CNP: variants seen among roughly 807,000 people sequenced by gnomAD.
CNP encodes the protein 2',3'-cyclic nucleotide 3' phosphodiesterase, also known as 2',3'-cyclic-nucleotide 3'-phosphodiesterase.
CNP carries 8 observed loss-of-function variants against 37.9 expected under a neutral mutation model. The observed-to-expected ratio is 0.21, with a 90% CI of 0.12 to 0.38. The LOEUF is 0.38. CNP is among the 10% of genes least tolerant of loss of function. The probability of loss-of-function intolerance (pLI) is 1.00; values close to 1 mark genes in which losing one functional copy is unlikely to be tolerated. For synonymous variants in CNP, 237 were observed against 238.3 expected, an observed-to-expected ratio of 0.99 and a Z score of 0.05; for missense variants, 457 against 551.0, an observed-to-expected ratio of 0.83 and a Z score of 1.71.
chr17:41,966,813 C>A lies in CNP; in HGVS notation c.-72C>A. On this transcript the variant is annotated 5_prime_UTR_variant, in exon 1 of 4. Transcript: ENST00000393892. ...TCGTGCCACCGCTGGACTCCCGTGT[C>A]CCTCCGCGCAGGCGGGCGGCCCCGG... 1.4e-6 allele frequency: 2 copies of A among 1,383,382 alleles called. No homozygotes were observed. The highest frequency in any genetic ancestry group is 1.6e-5 in the South Asian group (1 of 63,824). The allele number at this position is 1,383,382 out of a possible 1,614,324, so 85.7% of individuals were successfully genotyped here.
At chr17:41,966,974 C>T in intron 1 of CNP, 87 bp downstream of exon 1, 1 of 1,248,110 alleles carries the variant, frequency 8.0e-7, no homozygotes, top group South Asian at 2.8e-5. Flanking sequence ...GTCTTGCAAA[C>T]GAGGACCCGG....
chr17:41,966,857 G>C lies in CNP; in HGVS notation c.-28G>C. ...GCCCCGGAGCGCTGGTGCCGGCAGA[G>C]GCGGCGACGGTGGCGCCCCTCCTCA... On this transcript the variant is annotated 5_prime_UTR_variant, in exon 1 of 4. Transcript: ENST00000393892. 7.3e-7 allele frequency: 1 copy of C among 1,367,122 alleles called. No homozygotes were observed. Among genetic ancestry groups the C allele is most frequent in the Non-Finnish European group, 9.4e-7 (1 of 1,061,428 alleles). The allele number at this position is 1,367,122 out of a possible 1,614,324, so 84.7% of individuals were successfully genotyped here.
In CNP at chr17:41,977,526, A is replaced by G. The variant is rs1555645180; in HGVS notation, c.*3602A>G. On this transcript the variant is annotated 3_prime_UTR_variant, in exon 4 of 4. Transcript: ENST00000393892. Reference sequence around the variant, plus strand: ...TGCTACCTGATCCCACTCCTAGGACATGTTCCCTTCTCCTTCCAACTGCTG... The same window carrying G: ...TGCTACCTGATCCCACTCCTAGGACGTGTTCCCTTCTCCTTCCAACTGCTG... The G allele has an allele frequency of 6.3e-6, 3 of 473,786 alleles. No homozygotes were observed. The highest frequency in any genetic ancestry group is 3.6e-5 in the East Asian group (1 of 27,706). 29.3% of individuals were successfully genotyped at this position (473,786 alleles called of 1,614,324 possible). A position where few individuals can be genotyped will look rare whatever the true frequency, so the allele number is the denominator to read the frequency against.
Position 41,977,076 on chromosome 17 carries a change from C to A in CNP, c.*3152C>A. 1 of 694,766 alleles carries A rather than the reference C, an allele frequency of 1.4e-6. No homozygotes were observed. Among genetic ancestry groups the A allele is most frequent in the Non-Finnish European group, 2.4e-6 (1 of 415,410 alleles). The allele number at this position is 694,766 out of a possible 1,614,324, so 43.0% of individuals were successfully genotyped here. ...GATGCGGTGGCTAAAGGTCCCAAGG[C>A]AAGGGGTGCCTGGGAACCTTCCTGT... On this transcript the variant is annotated 3_prime_UTR_variant, in exon 4 of 4. Transcript: ENST00000393892.
intron 3 of CNP, 150 bp from the exon 4 acceptor site, chr17:41,973,325 T>A (rs921122455): frequency 2.7e-5 from 20 of 750,098 alleles, no homozygotes; most frequent in Non-Finnish European, 3.8e-5. Flanking sequence ...CAGTTGTTAG[T>A]GGATGCTGGG....
At position 41,974,053 on chromosome 17, in the gene CNP, T is replaced by C. The variant is rs2051036121; in HGVS notation, c.*129T>C. The C allele has an allele frequency of 1.3e-6, 1 of 772,972 alleles. No homozygotes were observed. The highest frequency in any genetic ancestry group is 3.3e-5 in the South Asian group (1 of 30,252). The allele number at this position is 772,972 out of a possible 1,614,324, so 47.9% of individuals were successfully genotyped here. On this transcript the variant is annotated 3_prime_UTR_variant, in exon 4 of 4. Transcript: ENST00000393892. ...CAAAGTTAACCTACCTGTAACTTTT[T>C]AAAAACTTGTAAAATAACTGACCCT...
At chr17:41,971,776 C>T in intron 2 of CNP, 116 bp from the exon 3 acceptor site, 2 of 1,361,190 alleles carry the variant, frequency 1.5e-6, no homozygotes, top group Non-Finnish European at 2.0e-6. Context: ...TAGTGGGTTG[C>T]TGGAGAGGTG....
At chr17:41,969,756 A>G (rs1225004889) in intron 2 of CNP, among the ~76,000 whole-genome samples, 1 of 152,152 alleles carries the variant, frequency 6.6e-6, no homozygotes, top group Non-Finnish European at 1.5e-5. Context: ...GAGTTTCACA[A>G]TGTTGGCCAG....
chr17:41,972,437 T>TGGCCC (rs2051004038), intron 3 of CNP, among the ~76,000 whole-genome samples: 1 of 152,160 alleles, frequency 6.6e-6, no homozygotes, highest in African/African-American at 2.4e-5. Flanking sequence ...AGGTCTGGCC[T>TGGCCC]GGCCCCAGAG....
intron 3 of CNP, among the ~76,000 whole-genome samples, 180 bp from the exon 4 acceptor site, chr17:41,973,295 C>T (rs1370130906): frequency 1.3e-5 from 2 of 152,220 alleles, no homozygotes; most frequent in Non-Finnish European, 2.9e-5. Context: ...GCCTGGAGCG[C>T]CTATGGAAGG....
In CNP at chr17:41,976,515, G is replaced by T; in HGVS notation, c.*2591G>T. On this transcript the variant is annotated 3_prime_UTR_variant, in exon 4 of 4. Transcript: ENST00000393892. ...ACAGTAAAACAAAAATTCACAAGCT[G>T]CCTCCCTGTCCACCCCCGCCTCCCT... is the stretch of plus-strand genomic sequence containing the variant. The T allele has an allele frequency of 7.7e-6, 4 of 520,354 alleles. No individual in the cohort carries two copies. The highest frequency in any genetic ancestry group is 1.3e-5 in the Non-Finnish European group (4 of 300,862). The allele number at this position is 520,354 out of a possible 1,614,324, so 32.2% of individuals were successfully genotyped here.
Position 41,968,853 on chromosome 17 carries a change from G to C in CNP, c.676+113G>C. The C allele has an allele frequency of 7.8e-7, 1 of 1,274,674 alleles. No individual in the cohort carries two copies. Among genetic ancestry groups the C allele is most frequent in the South Asian group, 1.6e-5 (1 of 64,214 alleles). The allele number at this position is 1,274,674 out of a possible 1,614,324, so 79.0% of individuals were successfully genotyped here. The stretch of plus-strand genomic sequence containing the variant: ...AGCACGAAGCAGCAGGAGGCAGAGA[G>C]AGGCTCACCTCAGCGGGGGCAGGGG... On this transcript the variant is annotated intron_variant, in intron 2 of 3. Transcript: ENST00000393892. This position sits in a 1 kb window ranked among gnomAD's most constrained non-coding sequence, Gnocchi z 4.8.
rs782684248 is a variant in CNP, at chr17:41,968,522, C to T, written c.458C>T (p.Ala153Val). Reference protein sequence around the residue: ...YQVVLVEPKTAWRLDCAQLKE... With the variant: ...YQVVLVEPKTVWRLDCAQLKE... ...GTGGTGCTGGTGGAGCCCAAGACGGCGTGGCGGCTGGACTGTGCCCAGCTC... is the reference window on the plus strand; with the variant it reads ...GTGGTGCTGGTGGAGCCCAAGACGGTGTGGCGGCTGGACTGTGCCCAGCTC... Residue 153 changes from alanine (A) to valine (V), a missense_variant, in exon 2 of 4, where the codon GCG (alanine) becomes GTG (valine). Ala to Val is a moderately conservative substitution (Grantham distance 64). This residue lies in a region of CNP where 166 missense variants were observed against 259.3 expected (regional missense o/e 0.64). Transcript: ENST00000393892. This position sits in a 1 kb window ranked among gnomAD's most constrained non-coding sequence, Gnocchi z 4.8. 6.2e-7 allele frequency: 1 copy of T among 1,614,124 alleles called. No homozygotes were observed. Among genetic ancestry groups the T allele is most frequent in the Non-Finnish European group, 8.5e-7 (1 of 1,180,032 alleles).
rs1331623351 is a variant in CNP at position 41,976,592 on chromosome 17, G to A, written c.*2668G>A. The A allele has an allele frequency of 1.8e-6, 2 of 1,090,422 alleles. No homozygotes were observed. Among genetic ancestry groups the A allele is most frequent in the Admixed American group, 3.0e-5 (1 of 33,800 alleles). The allele number at this position is 1,090,422 out of a possible 1,614,324, so 67.5% of individuals were successfully genotyped here. ...TTCCCTTTGCTCCACCCCACTCACA[G>A]AGACACAGGGCATCCAACTGAGAAA... On this transcript the variant is annotated 3_prime_UTR_variant, in exon 4 of 4. Transcript: ENST00000393892.
At chr17:41,967,560 C>A in intron 1 of CNP, 2 of 662,364 alleles carry the variant, frequency 3.0e-6, no homozygotes, top group Non-Finnish European at 3.8e-6. Context: ...CCCTGCCCCC[C>A]ACCAGCCCTT....
Position 41,966,806 on chromosome 17 carries a change from C to G in CNP, c.-79C>G. On this transcript the variant is annotated 5_prime_UTR_variant, in exon 1 of 4. Coordinates refer to ENST00000393892, the MANE Select transcript of CNP (RefSeq NM_033133.5). ...GCTCGGGTCGTGCCACCGCTGGACTCCCGTGTCCCTCCGCGCAGGCGGGCG... is the reference window on the plus strand; with the variant it reads ...GCTCGGGTCGTGCCACCGCTGGACTGCCGTGTCCCTCCGCGCAGGCGGGCG... The G allele has an allele frequency of 7.3e-7, 1 of 1,379,050 alleles. No individual in the cohort carries two copies. 85.4% of individuals were successfully genotyped at this position (1,379,050 alleles called of 1,614,324 possible).
chr17:41,967,755 T>G (rs2050923574), intron 1 of CNP: 1 of 1,116,498 alleles, frequency 9.0e-7, no homozygotes, highest in South Asian at 3.4e-5. Flanking sequence ...ACGTCCTTAG[T>G]AGGTGCCAAG....
chr17:41,973,467 C>T lies in CNP; in HGVS notation c.817-8C>T, dbSNP rs782259540. Reference sequence around the variant, plus strand: ...CTAGCTTGGGCCCCTCTTTCTCACTCTCCCCAGGTGTTAAAGAAATCTTAC... The same window carrying T: ...CTAGCTTGGGCCCCTCTTTCTCACTTTCCCCAGGTGTTAAAGAAATCTTAC... On this transcript the variant is annotated splice_region_variant and splice_polypyrimidine_tract_variant and intron_variant, in intron 3 of 3. Coordinates refer to ENST00000393892, the MANE Select transcript of CNP (RefSeq NM_033133.5). 1.2e-5 allele frequency: 19 copies of T among 1,608,890 alleles called. No individual in the cohort carries two copies. The South Asian group carries it at 1.3e-4, about 11-fold the overall frequency.
rs534805947 is a variant in CNP at position 41,967,078 on chromosome 17, G to A, written c.3+191G>A. On this transcript the variant is annotated intron_variant, in intron 1 of 3. Coordinates refer to ENST00000393892, the MANE Select transcript of CNP (RefSeq NM_033133.5). Reference sequence around the variant, plus strand: ...GTTTTGGGGTGCCGGAGAGGCCGCTGTAAAGGGAAACGGTGGTGTTTCTCA... The same window carrying A: ...GTTTTGGGGTGCCGGAGAGGCCGCTATAAAGGGAAACGGTGGTGTTTCTCA... The A allele has an allele frequency of 8.1e-5, 42 of 515,398 alleles. No individual in the cohort carries two copies. In the South Asian group the frequency reaches 3.2e-3, roughly 39 times the overall value. 31.9% of individuals were successfully genotyped at this position (515,398 alleles called of 1,614,324 possible).
Sources: allele counts gnomAD v4.1 joint callset (sites outside exome capture counted in the v4.1 genomes callset), GRCh38; gene constraint gnomAD v4.1.1; regional missense constraint gnomAD v4.1.1; non-coding constraint Gnocchi (gnomAD v3.1); transcripts MANE v1.5; gene names NCBI Gene and HGNC (gene_info 2026-07-23, HGNC 2026-07-21).